LARS2: variants seen among roughly 807,000 people sequenced by gnomAD.
LARS2 encodes leucyl-tRNA synthetase 2, mitochondrial, also known as leucine--tRNA ligase, mitochondrial.
A neutral mutation model predicts 116.6 loss-of-function variants in LARS2; 81 were observed. The observed-to-expected ratio is 0.69, with a 90% confidence interval of 0.58 to 0.84. LARS2 has a LOEUF of 0.84. Ranked by LOEUF, LARS2 falls within the 40% of genes least tolerant of loss-of-function variation. The pLI is 0.00. For missense variants in LARS2, 968 were observed against 1,114.5 expected (o/e 0.87, Z 1.87); for synonymous variants, 396 against 407.2 (o/e 0.97, Z 0.33).
intron 20 of LARS2, 103 bp downstream of exon 20, chr3:45,524,211 C>T: frequency 1.4e-6 from 1 of 738,832 alleles, no homozygotes; most frequent in Non-Finnish European, 2.3e-6. Context: ...GATATAGGGT[C>T]CAACATTTGG....
At chr3:45,468,464 C>T (rs1699471029) in intron 8 of LARS2, among the ~76,000 whole-genome samples, 2 of 152,244 alleles carry the variant, frequency 1.3e-5, no homozygotes, top group African/African-American at 4.8e-5. Context: ...CTCCCTCCCT[C>T]TCCTGTGGAA....
intron 21 of LARS2, among the ~76,000 whole-genome samples, chr3:45,545,825 C>T (rs1341747684): frequency 9.4e-5 from 12 of 127,804 alleles, no homozygotes; most frequent in Admixed American, 4.5e-4. Context: ...TGAGGCCATG[C>T]GTCAAAGAGG....
chr3:45,474,031 C>T (rs574169141), intron 8 of LARS2, among the ~76,000 whole-genome samples: 18 of 152,162 alleles, frequency 1.2e-4, no homozygotes, highest in African/African-American at 2.9e-4. Context: ...ACAGCGAAAT[C>T]GGTCAAACCC....
At chr3:45,505,562 ACACTTGTAGTCCCAGCTACTTG>A (rs1263019069) in intron 15 of LARS2, among the ~76,000 whole-genome samples, 1 of 151,664 alleles carries the variant, frequency 6.6e-6, no homozygotes, top group Non-Finnish European at 1.5e-5. Context: ...GTGGTGGTGC[ACACTTGTAGTCCCAGCTACTTG>A]GGAGTCTGAG....
At chr3:45,389,241 CT>C (rs1697896916) in intron 1 of LARS2, 1 of 151,808 alleles carries the variant, frequency 6.6e-6, no homozygotes, top group Non-Finnish European at 1.5e-5. Flanking sequence ...TGCTTCTCCC[CT>C]GTGTCCTGTT....
intron 19 of LARS2, among the ~76,000 whole-genome samples, chr3:45,521,786 C>T (rs989872692): frequency 4.6e-5 from 7 of 151,676 alleles, no homozygotes; most frequent in African/African-American, 1.7e-4. Context: ...TTTTAAATAC[C>T]TGTCAAATTT....
At chr3:45,495,306 C>A (rs1699992722) in intron 13 of LARS2, 1 of 152,244 alleles carries the variant, frequency 6.6e-6, no homozygotes, top group Non-Finnish European at 1.5e-5. Context: ...TGATTTCTAG[C>A]ATTTGCCAAT....
At chr3:45,463,376 T>C (rs1215686772) in intron 8 of LARS2, among the ~76,000 whole-genome samples, 1 of 152,228 alleles carries the variant, frequency 6.6e-6, no homozygotes, top group East Asian at 1.9e-4. Context: ...TCAACCCCCA[T>C]ACCAAATTGG....
intron 9 of LARS2, 137 bp from the exon 10 acceptor site, chr3:45,476,331 C>A: frequency 1.1e-6 from 1 of 886,588 alleles, no homozygotes; most frequent in Non-Finnish European, 1.8e-6. Context: ...TCTCAATCCC[C>A]ACACCCCTGG....
intron 4 of LARS2, 136 bp downstream of exon 4, chr3:45,400,509 C>G: frequency 8.8e-6 from 7 of 793,826 alleles, no homozygotes; most frequent in Non-Finnish European, 1.3e-5. Flanking sequence ...ACATGAAAAG[C>G]TCAGTGTTTC....
chr3:45,477,411 G>A (rs577467134), intron 10 of LARS2, among the ~76,000 whole-genome samples: 13 of 152,278 alleles, frequency 8.5e-5, no homozygotes, highest in Middle Eastern at 6.8e-3. Context: ...CTCTAACACC[G>A]CCTTCAGTGC....
chr3:45,449,093 A>G (rs985716708), intron 7 of LARS2, among the ~76,000 whole-genome samples: 1 of 151,772 alleles, frequency 6.6e-6, no homozygotes, highest in Non-Finnish European at 1.5e-5. Flanking sequence ...CCTACGGTAG[A>G]AGGTGAGAGG....
At chr3:45,452,597 T>C (rs2125707338) in intron 7 of LARS2, among the ~76,000 whole-genome samples, 1 of 152,328 alleles carries the variant, frequency 6.6e-6, no homozygotes, top group Non-Finnish European at 1.5e-5. Context: ...ACTACTATTT[T>C]GTTGAGGATT....
chr3:45,459,109 A>G (rs1699267057), intron 8 of LARS2, among the ~76,000 whole-genome samples: 1 of 152,178 alleles, frequency 6.6e-6, no homozygotes, highest in Non-Finnish European at 1.5e-5. Context: ...AGGTCATTGT[A>G]GGCCATTGTT....
chr3:45,545,181 T>C (rs116217580), intron 21 of LARS2, among the ~76,000 whole-genome samples: 5,175 of 152,264 alleles, frequency 0.034, 266 homozygotes, highest in African/African-American at 0.11. Flanking sequence ...TACAAGTGAA[T>C]TGCATAGTTC....
chr3:45,485,537 T>G (rs1045267148), intron 10 of LARS2, among the ~76,000 whole-genome samples, 155 bp from the exon 11 acceptor site: 2 of 152,228 alleles, frequency 1.3e-5, no homozygotes, highest in Non-Finnish European at 2.9e-5. Context: ...TGGTGTGAAT[T>G]ATCTATTAAT....
intron 7 of LARS2, among the ~76,000 whole-genome samples, chr3:45,450,113 T>G (rs1448249673): frequency 6.6e-6 from 1 of 151,930 alleles, no homozygotes; most frequent in Admixed American, 6.6e-5. Context: ...GTTGTGGGGG[T>G]TTTTAAATTA....
intron 18 of LARS2, among the ~76,000 whole-genome samples, chr3:45,518,505 T>A (rs1700405922): frequency 6.6e-6 from 1 of 152,216 alleles, no homozygotes; most frequent in South Asian, 2.1e-4. Context: ...TGTAGCCTCC[T>A]CATTGTACAG....
chr3:45,535,133 C>G (rs1244671200), intron 20 of LARS2, among the ~76,000 whole-genome samples: 1 of 152,132 alleles, frequency 6.6e-6, no homozygotes, highest in Non-Finnish European at 1.5e-5. Context: ...GCAGACAGAT[C>G]ACCTGAGGTC....
Sources: allele counts gnomAD v4.1 joint callset (sites outside exome capture counted in the v4.1 genomes callset), GRCh38; gene constraint gnomAD v4.1.1; transcripts MANE v1.5; gene names NCBI Gene and HGNC (gene_info 2026-07-23, HGNC 2026-07-21).